The following BRDT variants were observed in gnomAD, a reference collection of about 807,000 sequenced individuals.
The protein encoded by BRDT is bromodomain testis associated.
A neutral mutation model predicts 113.9 loss-of-function variants in BRDT; 77 were observed. The ratio of observed to expected loss-of-function variants is 0.68; its 90% CI spans 0.56 to 0.82. BRDT has a LOEUF of 0.82. BRDT is among the 40% of genes least tolerant of loss of function. The pLI is 0.00. For synonymous variants in BRDT, 358 were observed against 366.5 expected (o/e 0.98, Z 0.26); for missense variants, 1,027 against 1,105.4 (o/e 0.93, Z 1.01).
chr1:92,008,632 C>T (rs1186603661), intron 18 of BRDT, among the ~76,000 whole-genome samples: 1 of 152,120 alleles, frequency 6.6e-6, no homozygotes, highest in Non-Finnish European at 1.5e-5. Context: ...GAATAGTTTT[C>T]CTGCCCTGAA....
intron 1 of BRDT, chr1:91,950,368 T>C (rs1680917100): frequency 6.6e-6 from 1 of 152,526 alleles, no homozygotes; most frequent in Non-Finnish European, 1.5e-5. Context: ...GAGAATCGCT[T>C]GAACCCAGGA....
At chr1:91,968,620 A>T (rs1271672719) in intron 4 of BRDT, among the ~76,000 whole-genome samples, 2 of 152,268 alleles carry the variant, frequency 1.3e-5, no homozygotes, top group South Asian at 2.1e-4. Flanking sequence ...TTAAAAAAAA[A>T]TTTCCATAGC....
chr1:91,996,401 A>G (rs1686341341), intron 15 of BRDT, among the ~76,000 whole-genome samples: 1 of 152,074 alleles, frequency 6.6e-6, no homozygotes, highest in Admixed American at 6.6e-5. Context: ...GGCATGCACC[A>G]CCATATGCGG....
intron 1 of BRDT, among the ~76,000 whole-genome samples, chr1:91,954,806 T>A (rs570620087): frequency 6.6e-6 from 1 of 150,740 alleles, no homozygotes; most frequent in East Asian, 2.0e-4. Flanking sequence ...CTAAAAAAAT[T>A]AAAAAAATTA....
intron 14 of BRDT, 30 bp downstream of exon 14, chr1:91,992,344 G>A (rs1685866099): frequency 1.4e-6 from 2 of 1,444,694 alleles, no homozygotes; most frequent in South Asian, 1.4e-5. Flanking sequence ...TTAAAGAACA[G>A]GGGAAGAAAT....
intron 6 of BRDT, 61 bp from the exon 7 acceptor site, chr1:91,978,107 C>T (rs557899323): frequency 2.2e-5 from 32 of 1,431,748 alleles, no homozygotes; most frequent in Admixed American, 1.3e-4. Context: ...ATTTAATGTA[C>T]GTGGTCAAAT....
intron 18 of BRDT, among the ~76,000 whole-genome samples, chr1:92,012,007 G>A (rs1410483180): frequency 6.6e-6 from 1 of 152,156 alleles, no homozygotes; most frequent in Non-Finnish European, 1.5e-5. Context: ...GGGAGCATTA[G>A]TATTAAAAAT....
At chr1:91,972,685 G>T (rs1349238991) in intron 4 of BRDT, among the ~76,000 whole-genome samples, 1 of 152,188 alleles carries the variant, frequency 6.6e-6, no homozygotes, top group Non-Finnish European at 1.5e-5. Context: ...GAGGGATAGA[G>T]ACAAAATTAA....
At position 91,991,239 on chromosome 1, in the gene BRDT, T is replaced by G. The variant is rs369721790; in HGVS notation, c.2058T>G (p.Asn686Lys). ...VKPNDSPSKE[N>K]VKKMKNECIP... is the part of the protein sequence containing the mutation. The stretch of plus-strand genomic sequence containing the variant: ...CAAATGATTCTCCTTCTAAAGAGAA[T>G]GTAAAGGTAAGTGAATTCTTTATTT... The change falls in exon 13 of 19, where the codon AAT becomes AAG. Residue 686 changes from asparagine (N) to lysine (K), a missense_variant. Coordinates refer to ENST00000399546, the MANE Select transcript of BRDT (RefSeq NM_207189.4). 3.9e-6 allele frequency: 6 copies of G among 1,536,590 alleles called. No individual in the cohort carries two copies. The African/African-American group carries it at 8.2e-5, about 21-fold the overall frequency.
At chr1:91,979,026 CAAA>C (rs1416677618) in intron 7 of BRDT, among the ~76,000 whole-genome samples, 1 of 138,400 alleles carries the variant, frequency 7.2e-6, no homozygotes, top group Admixed American at 7.3e-5. Context: ...ACAACAACAA[CAAA>C]AAAAACCCTA....
intron 15 of BRDT, among the ~76,000 whole-genome samples, chr1:91,994,886 A>G (rs1209094919): frequency 1.3e-5 from 2 of 150,854 alleles, no homozygotes; most frequent in African/African-American, 2.4e-5. Context: ...AAAAAAAAAA[A>G]AAAAAAGAAT....
chr1:91,998,503 T>A (rs1013354360), intron 15 of BRDT, among the ~76,000 whole-genome samples: 24 of 152,162 alleles, frequency 1.6e-4, no homozygotes, highest in African/African-American at 3.6e-4. Flanking sequence ...AATAAAAAAA[T>A]TTTTTTAAAC....
intron 3 of BRDT, among the ~76,000 whole-genome samples, chr1:91,965,845 C>CAA (rs779461939): frequency 1.9e-4 from 28 of 146,162 alleles, no homozygotes; most frequent in South Asian, 6.5e-4. Context: ...GACACCTTCT[C>CAA]AAAAAAAAAA....
At chr1:91,979,011 A>AAC (rs1553189993) in intron 7 of BRDT, among the ~76,000 whole-genome samples, 4,892 of 130,750 alleles carry the variant, frequency 0.037, 173 homozygotes, top group African/African-American at 0.089. Flanking sequence ...AAAAAAAAAA[A>AAC]AACAACAACA....
At chr1:91,965,621 G>A (rs1682978766) in intron 3 of BRDT, among the ~76,000 whole-genome samples, 2 of 151,998 alleles carry the variant, frequency 1.3e-5, no homozygotes, top group South Asian at 4.1e-4. Flanking sequence ...AGGCTGAGGC[G>A]GGAGGATCAT....
intron 18 of BRDT, among the ~76,000 whole-genome samples, chr1:92,009,545 CTT>C (rs59044630): frequency 1.9e-5 from 2 of 103,412 alleles, no homozygotes; most frequent in South Asian, 3.5e-4. Context: ...CAACTTGCCA[CTT>C]TTTTTTTTTT....
rs1214527154 is a variant in BRDT, at chr1:91,994,213, CTG to C, written c.2249_2250del (p.Val750GlufsTer14). The C allele has an allele frequency of 6.2e-7, 1 of 1,611,842 alleles. No homozygotes were observed. The highest frequency in any genetic ancestry group is 8.5e-7 in the Non-Finnish European group (1 of 1,179,194). On this transcript the variant is annotated frameshift_variant, in exon 15 of 19. Coordinates refer to ENST00000399546, the MANE Select transcript of BRDT (RefSeq NM_207189.4). LOFTEE classifies it high-confidence loss of function. ...TATCAAGAATTAGAACATTTACAGA[CTG>C]TGAAAAACATTTCACCTTTACAAAT...
intron 7 of BRDT, 78 bp downstream of exon 7, chr1:91,978,374 G>A: frequency 2.0e-6 from 3 of 1,528,044 alleles, no homozygotes; most frequent in Non-Finnish European, 1.8e-6. Flanking sequence ...TAATGTAAGA[G>A]ATAAAGAATA....
intron 15 of BRDT, among the ~76,000 whole-genome samples, chr1:91,998,415 T>C (rs1686543986): frequency 1.3e-5 from 2 of 152,106 alleles, no homozygotes; most frequent in Non-Finnish European, 2.9e-5. Flanking sequence ...AGATGACAGG[T>C]TGATGGGTAC....
Sources: allele counts gnomAD v4.1 joint callset (sites outside exome capture counted in the v4.1 genomes callset), GRCh38; gene constraint gnomAD v4.1.1; transcripts MANE v1.5; gene names NCBI Gene and HGNC (gene_info 2026-07-23, HGNC 2026-07-21).